The following RTN4IP1 variants were observed in gnomAD, a reference collection of about 807,000 sequenced individuals.
The protein encoded by RTN4IP1 is NAD(P)H oxidoreductase RTN4IP1, mitochondrial.
In RTN4IP1, 32 loss-of-function variants were observed where a neutral mutation model predicts 46.6. That is an observed-to-expected ratio of 0.69 (90% confidence interval 0.52 to 0.92). RTN4IP1 has a LOEUF of 0.92. Among genes scored for constraint, RTN4IP1 ranks in the 40% least tolerant of loss-of-function variants. The pLI is 0.00. For missense variants in RTN4IP1, 424 were observed against 485.8 expected (o/e 0.87, Z 1.20); for synonymous variants, 167 against 161.8 (o/e 1.03, Z -0.24).
chr6:106,596,603 C>T (rs1289619041), intron 5 of RTN4IP1, among the ~76,000 whole-genome samples: 1 of 152,134 alleles, frequency 6.6e-6, no homozygotes, highest in Non-Finnish European at 1.5e-5. Flanking sequence ...ACAACTATTG[C>T]ACTGTATTTA....
chr6:106,578,330 G>A (rs7740917), intron 8 of RTN4IP1, among the ~76,000 whole-genome samples: 3,115 of 152,308 alleles, frequency 0.02, 115 homozygotes, highest in African/African-American at 0.07. Flanking sequence ...CCCTTCAAAT[G>A]TGACATCACA....
chr6:106,599,304 C>A (rs956800571), intron 5 of RTN4IP1, among the ~76,000 whole-genome samples: 1 of 151,772 alleles, frequency 6.6e-6, no homozygotes, highest in Non-Finnish European at 1.5e-5. Context: ...TACAGCTTAA[C>A]AAATTATTAC....
chr6:106,579,434 G>A (rs576374368), intron 8 of RTN4IP1, among the ~76,000 whole-genome samples: 13 of 152,086 alleles, frequency 8.5e-5, no homozygotes, highest in African/African-American at 2.9e-4. Context: ...ATAAGGCTTC[G>A]TGATGACAGT....
rs556022553 is a variant in RTN4IP1, at chr6:106,600,122, A to G, written c.669+2752T>C. 8.5e-4 allele frequency among the ~76,000 whole-genome samples: 129 copies of G among 152,236 alleles called. 1 individual carries two copies. The highest frequency in any genetic ancestry group is 7.8e-4 in the Non-Finnish European group (53 of 68,018). On this transcript the variant is annotated intron_variant, in intron 5 of 8. Coordinates refer to ENST00000369063, the MANE Select transcript of RTN4IP1 (RefSeq NM_032730.5). ...TTCACCTAGTTCAGTCAGCAGACAG[A>G]CAGGAAGCCTCCAGCACCATCTGGG...
At chr6:106,576,272 A>G (rs534403695) in intron 8 of RTN4IP1, among the ~76,000 whole-genome samples, 1 of 152,226 alleles carries the variant, frequency 6.6e-6, no homozygotes, top group East Asian at 1.9e-4. Context: ...AGATGGGGGA[A>G]CTCTCCAAGG....
intron 8 of RTN4IP1, 21 bp from the exon 9 acceptor site, chr6:106,572,124 A>G (rs1459983554): frequency 3.2e-6 from 5 of 1,567,140 alleles, no homozygotes; most frequent in South Asian, 1.1e-5. Context: ...TAAGAGGTTG[A>G]CCGGTGGATA....
At chr6:106,612,362 G>T (rs1378617398) in intron 4 of RTN4IP1, among the ~76,000 whole-genome samples, 1 of 143,212 alleles carries the variant, frequency 7.0e-6, no homozygotes, top group East Asian at 2.1e-4. Context: ...ACACCAACCT[G>T]GGCGACAGAG....
intron 7 of RTN4IP1, among the ~76,000 whole-genome samples, chr6:106,584,543 T>C (rs75644932): frequency 0.04 from 6,040 of 152,326 alleles, 174 homozygotes; most frequent in Non-Finnish European, 0.06. Flanking sequence ...AGTTGCATTA[T>C]TTTTGTTTTG....
At chr6:106,627,894 T>C (rs1450407857) in intron 1 of RTN4IP1, among the ~76,000 whole-genome samples, 4 of 139,320 alleles carry the variant, frequency 2.9e-5, no homozygotes. Context: ...ACAGTGAAAC[T>C]CCCGTTTCTA....
At chr6:106,604,692 G>C (rs1413353410) in intron 4 of RTN4IP1, among the ~76,000 whole-genome samples, 1 of 152,184 alleles carries the variant, frequency 6.6e-6, no homozygotes, top group Middle Eastern at 3.4e-3. Context: ...TTTGTCCTAG[G>C]CTACTGTCTG....
intron 8 of RTN4IP1, among the ~76,000 whole-genome samples, chr6:106,579,504 A>G (rs527695481): frequency 7.2e-4 from 109 of 152,306 alleles, no homozygotes; most frequent in African/African-American, 2.6e-3. Flanking sequence ...AGGTCACCAC[A>G]TATTTAGGAA....
chr6:106,586,850 G>A (rs1775499082), intron 7 of RTN4IP1, among the ~76,000 whole-genome samples: 1 of 152,172 alleles, frequency 6.6e-6, no homozygotes, highest in South Asian at 2.1e-4. Flanking sequence ...TATTAGTCTT[G>A]TAACTGAGGC....
chr6:106,615,391 G>A (rs1776325122), intron 4 of RTN4IP1, among the ~76,000 whole-genome samples: 1 of 151,726 alleles, frequency 6.6e-6, no homozygotes, highest in African/African-American at 2.4e-5. Context: ...AAATTTTACT[G>A]CCATAAAACC....
Position 106,602,927 on chromosome 6 carries a change from A to T in RTN4IP1, c.621-5T>A. On this transcript the variant is annotated splice_polypyrimidine_tract_variant and splice_region_variant and intron_variant, in intron 4 of 8. Coordinates refer to ENST00000369063, the MANE Select transcript of RTN4IP1 (RefSeq NM_032730.5). ...GAAGCGCCTAAGATTAGAACACTGA[A>T]ATGCAAAGGAAACCACAATTAACGA... 1 of 1,599,956 alleles carries T rather than the reference A, an allele frequency of 6.3e-7. No individual in the cohort carries two copies.
chr6:106,624,991 T>A (rs1449883187), intron 1 of RTN4IP1, among the ~76,000 whole-genome samples: 3 of 150,254 alleles, frequency 2.0e-5, no homozygotes, highest in Non-Finnish European at 4.4e-5. Context: ...CTTATATAAA[T>A]ATCAGCTAAA....
chr6:106,580,413 C>T (rs1377276424), intron 8 of RTN4IP1, among the ~76,000 whole-genome samples: 2 of 151,846 alleles, frequency 1.3e-5, no homozygotes, highest in East Asian at 3.9e-4. Context: ...TTTTCAAAAG[C>T]TGTCTATTTT....
In RTN4IP1 at chr6:106,590,579, G is replaced by C. The variant is rs1248541238; in HGVS notation, c.806+1585C>G. On this transcript the variant is annotated intron_variant, in intron 6 of 8. Transcript: ENST00000369063. The stretch of plus-strand genomic sequence containing the variant: ...AAAATACAAAAATTAGCCAGGCGTG[G>C]TGGCGCACACCTGTAATCCCAGCTA... 5.3e-5 allele frequency among the ~76,000 whole-genome samples: 8 copies of C among 151,918 alleles called. No individual in the cohort carries two copies. The East Asian group carries it at 1.6e-3, about 30-fold the overall frequency.
chr6:106,579,080 C>T (rs1238818322), intron 8 of RTN4IP1, among the ~76,000 whole-genome samples: 1 of 150,870 alleles, frequency 6.6e-6, no homozygotes, highest in Non-Finnish European at 1.5e-5. Context: ...ACTAAAAATG[C>T]AAAAAATTAG....
chr6:106,622,159 C>CA (rs1432540876), intron 2 of RTN4IP1, among the ~76,000 whole-genome samples: 1 of 149,786 alleles, frequency 6.7e-6, no homozygotes, highest in African/African-American at 2.5e-5. Context: ...AAAAATGTAA[C>CA]AACAGAACCA....
Sources: gnomAD v4.1 joint callset for allele counts (sites outside exome capture counted in the v4.1 genomes callset) on GRCh38, gnomAD v4.1.1 for gene constraint, MANE v1.5 for transcripts, NCBI Gene and HGNC (gene_info 2026-07-23, HGNC 2026-07-21) for gene names.